The following COG4 variants were observed in gnomAD, a reference collection of about 807,000 sequenced individuals.
The protein encoded by COG4 is component of oligomeric golgi complex 4.
A neutral mutation model predicts 95.1 loss-of-function variants in COG4; 65 were observed. That is an observed-to-expected ratio of 0.68 (90% CI 0.56 to 0.84). COG4 has a LOEUF of 0.84. COG4 is among the 40% of genes least tolerant of loss of function. The pLI, the probability that COG4 is intolerant of heterozygous loss-of-function variation, is 0.00. For missense variants in COG4, 1,045 were observed against 989.1 expected (o/e 1.06, Z -0.76); for synonymous variants, 421 against 374.8 (o/e 1.12, Z -1.42).
intron 16 of COG4, 103 bp downstream of exon 16, chr16:70,481,989 G>A: frequency 1.5e-6 from 2 of 1,332,380 alleles, no homozygotes; most frequent in East Asian, 2.3e-5. Flanking sequence ...AGGGTTGGAA[G>A]GGCTTTCAGG....
In COG4 at chr16:70,481,777, G is replaced by A; in HGVS notation, c.2093C>T (p.Ser698Phe). ...AVELEKVVLK[S>F]TFNRLGGLQF... ...CCTTTACCTTACCCGGTTAAAGGTG[G>A]ATTTCAGCACCACTTTCTCCAACTC... The change falls in exon 17 of 19, where the codon TCC becomes TTC. Residue 698 changes from serine to phenylalanine, a missense_variant. Transcript: ENST00000323786. The A allele has an allele frequency of 6.2e-7, 1 of 1,613,884 alleles. No homozygotes were observed.
chr16:70,508,510 T>G, intron 7 of COG4, 46 bp from the exon 8 acceptor site: 1 of 1,520,428 alleles, frequency 6.6e-7, no homozygotes, highest in African/African-American at 1.4e-5. Flanking sequence ...CACCCCCACA[T>G]CTATTGGCCT....
At chr16:70,499,554 T>A (rs1017397830) in intron 9 of COG4, among the ~76,000 whole-genome samples, 27 of 152,236 alleles carry the variant, frequency 1.8e-4, no homozygotes, top group African/African-American at 5.5e-4. Flanking sequence ...TTTTTTTAAA[T>A]TTTTTTCCTT....
chr16:70,500,470 C>A (rs557251683), intron 9 of COG4, among the ~76,000 whole-genome samples: 2 of 147,970 alleles, frequency 1.4e-5, no homozygotes, highest in Non-Finnish European at 3.0e-5. Flanking sequence ...AAGCAATTCT[C>A]CCGTCTCAAC....
intron 5 of COG4, 116 bp from the exon 6 acceptor site, chr16:70,510,137 T>C: frequency 1.2e-6 from 1 of 822,886 alleles, no homozygotes; most frequent in Non-Finnish European, 2.0e-6. Context: ...TTTCCCTTGA[T>C]GTCTGGAAGC....
At chr16:70,499,133 T>C (rs896766551) in intron 9 of COG4, among the ~76,000 whole-genome samples, 5 of 152,226 alleles carry the variant, frequency 3.3e-5, no homozygotes, top group East Asian at 1.9e-4. Flanking sequence ...ATGTTAGCGA[T>C]TGAGCACTTG....
At chr16:70,485,029 A>AG (rs1325948169) in intron 13 of COG4, among the ~76,000 whole-genome samples, 1 of 152,142 alleles carries the variant, frequency 6.6e-6, no homozygotes, top group Admixed American at 6.5e-5. Flanking sequence ...TGTACAGATG[A>AG]GAAAACTGAG....
Position 70,492,517 on chromosome 16 carries a change from C to T in COG4, c.1648-2125G>A, listed in dbSNP as rs151298463. ...CTACTAAAAAAAATACAAAATTAGC[C>T]GGGCGTGGTGGTGCATGCCTGTAAT... On this transcript the variant is annotated intron_variant, in intron 12 of 18. Coordinates refer to ENST00000323786, the MANE Select transcript of COG4 (RefSeq NM_015386.3). 3.6e-4 allele frequency among the ~76,000 whole-genome samples: 54 copies of T among 151,794 alleles called. 1 individual carries two copies. The highest frequency in any genetic ancestry group is 3.4e-3 in the Middle Eastern group (1 of 294).
intron 8 of COG4, among the ~76,000 whole-genome samples, chr16:70,501,818 A>ATT (rs746516643): frequency 3.7e-5 from 5 of 136,288 alleles, no homozygotes; most frequent in Non-Finnish European, 4.8e-5. Context: ...CACCTGGCAG[A>ATT]TTTTTTTTTT....
chr16:70,510,108 G>T, intron 5 of COG4, 87 bp from the exon 6 acceptor site: 1 of 1,129,086 alleles, frequency 8.9e-7, no homozygotes, highest in Non-Finnish European at 1.3e-6. Context: ...TCCTCCCATT[G>T]ACTTTCTTTT....
At chr16:70,508,851 A>G (rs142113600) in intron 7 of COG4, 42 of 533,632 alleles carry the variant, frequency 7.9e-5, no homozygotes, top group East Asian at 4.4e-4. Context: ...TATCTTTAAC[A>G]TCTTAGGAAT....
At chr16:70,505,713 C>T (rs2049550845) in intron 8 of COG4, among the ~76,000 whole-genome samples, 1 of 151,622 alleles carries the variant, frequency 6.6e-6, no homozygotes, top group African/African-American at 2.4e-5. Flanking sequence ...CCTGTAGTCC[C>T]AGCTACTCAG....
In COG4 at chr16:70,509,978, G is replaced by C; in HGVS notation, c.782C>G (p.Thr261Arg). 1 of 1,614,012 alleles carries C rather than the reference G, an allele frequency of 6.2e-7. No individual in the cohort carries two copies. Among genetic ancestry groups the C allele is most frequent in the South Asian group, 1.1e-5 (1 of 91,076 alleles). The change falls in exon 6 of 19, where the codon ACA becomes AGA. Residue 261 changes from threonine to arginine, a missense_variant. Transcript: ENST00000323786. ...AEENLLMVLG[T>R]DMSDRRAAVI... ...TGCAGCTCTCCGATCACTCATGTCT[G>C]TCCCCAGCACCATGAGCAGATTCTC...
chr16:70,514,206 CA>C (rs902745149), intron 4 of COG4, 128 bp downstream of exon 4: 458 of 932,438 alleles, frequency 4.9e-4, no homozygotes, highest in Non-Finnish European at 6.0e-4. Flanking sequence ...GACTCCGTCT[CA>C]AAAAAAAAGA....
Position 70,483,907 on chromosome 16 carries a change from G to C in COG4, c.1773C>G (p.Asp591Glu). 6.2e-7 allele frequency: 1 copy of C among 1,613,386 alleles called. No individual in the cohort carries two copies. The highest frequency in any genetic ancestry group is 8.5e-7 in the Non-Finnish European group (1 of 1,180,020). ...IGGEQAQAKF[D>E]SCLSDLAAVS... is the part of the protein sequence containing the mutation. Reference sequence around the variant, plus strand: ...CGGCGGCCAAGTCAGAAAGGCAGCTGTCAAACTTGGCCTGGGCCTGCTCCC... The same window carrying C: ...CGGCGGCCAAGTCAGAAAGGCAGCTCTCAAACTTGGCCTGGGCCTGCTCCC... The change falls in exon 14 of 19, where the codon GAC becomes GAG. Residue 591 changes from aspartate to glutamate, a missense_variant. Physicochemically the swap from Asp to Glu is conservative, Grantham distance 45. Transcript: ENST00000323786.
Position 70,517,727 on chromosome 16 carries a change from G to A in COG4, c.268C>T (p.Leu90=), listed in dbSNP as rs774604128. 1 of 1,610,098 alleles carries A rather than the reference G, an allele frequency of 6.2e-7. No homozygotes were observed. Among genetic ancestry groups the A allele is most frequent in the African/African-American group, 1.3e-5 (1 of 74,810 alleles). Reference sequence around the variant, plus strand: ...AGCTGCTTTGCATCTCCCTCAATCAGCTGCAGATTAGGACTGGAGAAATAC... The same window carrying A: ...AGCTGCTTTGCATCTCCCTCAATCAACTGCAGATTAGGACTGGAGAAATAC... ...TLHRMGPNLQ[L]IEGDAKQLAG... is the part of the protein sequence containing the mutation. Residue 90 remains leucine (L), a synonymous_variant, in exon 3 of 19, where the codon CTG becomes TTG. Transcript: ENST00000323786.
intron 1 of COG4, among the ~76,000 whole-genome samples, chr16:70,521,331 C>A (rs1195173560): frequency 6.6e-6 from 1 of 151,984 alleles, no homozygotes; most frequent in Non-Finnish European, 1.5e-5. Context: ...GATTTTCATG[C>A]CTCTGCCTCC....
At chr16:70,495,397 C>CA (rs11382671) in intron 12 of COG4, among the ~76,000 whole-genome samples, 44,171 of 110,966 alleles carry the variant, frequency 0.4, 8,051 homozygotes, top group South Asian at 0.63. Context: ...GACTCCATCT[C>CA]AAAAAAAAAA....
chr16:70,508,501 AC>A, intron 7 of COG4, 37 bp from the exon 8 acceptor site: 8 of 1,580,834 alleles, frequency 5.1e-6, no homozygotes, highest in Non-Finnish European at 7.0e-6. Flanking sequence ...ATTCTTCCCC[AC>A]CCCCACATCT....
Sources: gnomAD v4.1 joint callset for allele counts (sites outside exome capture counted in the v4.1 genomes callset) on GRCh38, gnomAD v4.1.1 for gene constraint, MANE v1.5 for transcripts, NCBI Gene and HGNC (gene_info 2026-07-23, HGNC 2026-07-21) for gene names.